KLF3: variants seen among roughly 807,000 people sequenced by gnomAD.
KLF3 encodes the protein KLF transcription factor 3.
A neutral mutation model predicts 32.7 loss-of-function variants in KLF3; 6 were observed. The observed-to-expected ratio is 0.18, with a 90% CI of 0.10 to 0.36. KLF3 has a LOEUF of 0.36. KLF3 is among the 10% of genes least tolerant of loss of function. KLF3 has a pLI of 1.00. For synonymous variants in KLF3, 145 were observed against 172.8 expected (o/e 0.84, Z 1.26); for missense variants, 338 against 449.7 (o/e 0.75, Z 2.25).
chr4:38,686,696 A>G (rs1390362445), intron 2 of KLF3, among the ~76,000 whole-genome samples: 5 of 152,162 alleles, frequency 3.3e-5, no homozygotes, highest in Non-Finnish European at 2.9e-5. Flanking sequence ...TCTCTTGTAT[A>G]AGCAGGGACA....
chr4:38,677,063 C>T lies in KLF3; in HGVS notation c.-39-3524C>T, dbSNP rs538887001. On this transcript the variant is annotated intron_variant, in intron 1 of 5. Transcript: ENST00000261438. The stretch of plus-strand genomic sequence containing the variant: ...GCAACCTCCGCCTGCTGGGTTCAAG[C>T]GATTATACTGCCTCAGCCTCCCGAA... Among the ~76,000 whole-genome samples the T allele has an allele frequency of 1.1e-4, 17 of 149,924 alleles. No homozygotes were observed. In the South Asian group the frequency reaches 3.6e-3, roughly 32 times the overall value.
intron 2 of KLF3, among the ~76,000 whole-genome samples, chr4:38,682,941 C>G (rs1347802787): frequency 1.3e-5 from 2 of 151,460 alleles, no homozygotes; most frequent in Admixed American, 1.3e-4. Context: ...TTGGTTTTAA[C>G]TTTCTTCAGC....
chr4:38,675,553 T>C (rs962230649), intron 1 of KLF3, among the ~76,000 whole-genome samples: 2 of 152,082 alleles, frequency 1.3e-5, no homozygotes, highest in African/African-American at 2.4e-5. Flanking sequence ...CAGAAAAAAA[T>C]AGAACCACAT....
rs1723065631 is a variant in KLF3, at chr4:38,697,143, A to G, written c.918A>G (p.Glu306=). 6.2e-7 allele frequency: 1 copy of G among 1,613,978 alleles called. No homozygotes were observed. Among genetic ancestry groups the G allele is most frequent in the South Asian group, 1.1e-5 (1 of 91,080 alleles). ...CATGGAAGTTTGCTCGGTCTGATGA[A>G]CTAACAAGACATTTCCGAAAACATA... ...GCTWKFARSD[E]LTRHFRKHTG... is the part of the protein sequence containing the mutation. The change falls in exon 6 of 6, where the codon GAA becomes GAG. Residue 306 remains glutamate (E), a synonymous_variant. Coordinates refer to ENST00000261438, the MANE Select transcript of KLF3 (RefSeq NM_016531.6).
chr4:38,667,952 T>C (rs1160223774), intron 1 of KLF3, among the ~76,000 whole-genome samples: 4 of 151,672 alleles, frequency 2.6e-5, no homozygotes, highest in African/African-American at 4.8e-5. Flanking sequence ...GGACAAAGAT[T>C]TAAATATCAG....
chr4:38,675,137 G>C (rs988587996), intron 1 of KLF3, among the ~76,000 whole-genome samples: 5 of 152,226 alleles, frequency 3.3e-5, no homozygotes, highest in African/African-American at 1.2e-4. Flanking sequence ...CTTGCATTTT[G>C]ACAGAAATTT....
rs754915025 is a variant in KLF3, at chr4:38,667,477, G to T, written c.-40+3016G>T. Among the ~76,000 whole-genome samples, 164 of 152,196 alleles carry T rather than the reference G, an allele frequency of 1.1e-3. 1 individual carries two copies. Among genetic ancestry groups the T allele is most frequent in the Non-Finnish European group, 2.2e-4 (15 of 68,038 alleles). On this transcript the variant is annotated intron_variant, in intron 1 of 5. Transcript: ENST00000261438. ...TGTGTTATGTCATAATGAGAAGTCAGTTAACCTTTTTACGTACACCCTTTG... is the reference window on the plus strand; with the variant it reads ...TGTGTTATGTCATAATGAGAAGTCATTTAACCTTTTTACGTACACCCTTTG...
Position 38,697,313 on chromosome 4 carries a change from C to T in KLF3, c.*50C>T. 6.8e-7 allele frequency: 1 copy of T among 1,479,294 alleles called. No homozygotes were observed. The highest frequency in any genetic ancestry group is 9.2e-7 in the Non-Finnish European group (1 of 1,087,206). 91.6% of individuals were successfully genotyped at this position (1,479,294 alleles called of 1,614,324 possible). A position where few individuals can be genotyped will look rare whatever the true frequency, so the allele number is the denominator to read the frequency against. On this transcript the variant is annotated 3_prime_UTR_variant, in exon 6 of 6. Transcript: ENST00000261438. ...TGACTCCCCACTCACCTGGCTCTCT[C>T]TCTGTCCTGCCTCCCATTATCTAAC...
chr4:38,684,469 A>G (rs574444994), intron 2 of KLF3, among the ~76,000 whole-genome samples: 1 of 151,092 alleles, frequency 6.6e-6, no homozygotes, highest in East Asian at 1.9e-4. Flanking sequence ...ATCTGAGTAC[A>G]TGTTACAGAC....
At chr4:38,670,191 C>T (rs946504222) in intron 1 of KLF3, among the ~76,000 whole-genome samples, 3 of 152,168 alleles carry the variant, frequency 2.0e-5, no homozygotes, top group African/African-American at 7.2e-5. Context: ...CCCTCTAGCC[C>T]ATGCATTTCA....
At chr4:38,665,625 T>C (rs1003573064) in intron 1 of KLF3, among the ~76,000 whole-genome samples, 3 of 152,226 alleles carry the variant, frequency 2.0e-5, no homozygotes, top group African/African-American at 7.2e-5. Context: ...ATGTTTCCAT[T>C]AATATCACCC....
intron 1 of KLF3, among the ~76,000 whole-genome samples, chr4:38,679,979 C>G (rs1042381987): frequency 5.3e-5 from 8 of 152,158 alleles, no homozygotes; most frequent in Non-Finnish European, 1.2e-4. Context: ...CAATCCCAAG[C>G]AAGCTTTGGC....
At chr4:38,686,166 T>C (rs150737977) in intron 2 of KLF3, among the ~76,000 whole-genome samples, 1 of 152,160 alleles carries the variant, frequency 6.6e-6, no homozygotes, top group African/African-American at 2.4e-5. Flanking sequence ...GAAAACTGGC[T>C]GCGCGTGGTG....
chr4:38,665,124 C>T (rs1190405014), intron 1 of KLF3, among the ~76,000 whole-genome samples: 1 of 152,076 alleles, frequency 6.6e-6, no homozygotes, highest in Non-Finnish European at 1.5e-5. Flanking sequence ...ATCCCATTCT[C>T]GGTTCTGGAG....
chr4:38,679,026 A>T (rs1038635903), intron 1 of KLF3, among the ~76,000 whole-genome samples: 10 of 152,232 alleles, frequency 6.6e-5, no homozygotes, highest in Admixed American at 6.5e-5. Context: ...CTTGATGTAG[A>T]TTAGTGTTAG....
At chr4:38,689,977 T>G in intron 4 of KLF3, 98 bp downstream of exon 4, 2 of 1,276,236 alleles carry the variant, frequency 1.6e-6, no homozygotes, top group Non-Finnish European at 2.2e-6. Flanking sequence ...GTGGTGTGGA[T>G]GACCAGGAAC....
rs1420986846 is a variant in KLF3, at chr4:38,683,147, G to T, written c.57+2465G>T. Among the ~76,000 whole-genome samples, 3 of 151,886 alleles carry T rather than the reference G, an allele frequency of 2.0e-5. No individual in the cohort carries two copies. In the South Asian group the frequency reaches 6.2e-4, roughly 32 times the overall value. On this transcript the variant is annotated intron_variant, in intron 2 of 5. Transcript: ENST00000261438. ...ATTATTCCTTTTTCTTTTTAATTCAGTCTTTGATCTGAAGGTAAAAGTCTT... is the reference window on the plus strand; with the variant it reads ...ATTATTCCTTTTTCTTTTTAATTCATTCTTTGATCTGAAGGTAAAAGTCTT...
chr4:38,669,128 CACA>C (rs1722127758), intron 1 of KLF3, among the ~76,000 whole-genome samples: 1 of 152,114 alleles, frequency 6.6e-6, no homozygotes, highest in Admixed American at 6.5e-5. Flanking sequence ...ATAAAATACA[CACA>C]ACCTCATTCT....
Position 38,698,213 on chromosome 4 carries a change from C to G in KLF3, c.*950C>G, listed in dbSNP as rs975843577. 1.3e-5 allele frequency: 2 copies of G among 152,232 alleles called. No homozygotes were observed. Among genetic ancestry groups the G allele is most frequent in the Non-Finnish European group, 2.9e-5 (2 of 68,030 alleles). 9.4% of individuals were successfully genotyped at this position (152,232 alleles called of 1,614,324 possible). On this transcript the variant is annotated 3_prime_UTR_variant, in exon 6 of 6. Coordinates refer to ENST00000261438, the MANE Select transcript of KLF3 (RefSeq NM_016531.6). ...TCATCAAACATTGATAGTAGGGACT[C>G]CATGGAATATTTGCCCAGTAATGGT...
Sources: allele counts gnomAD v4.1 joint callset (sites outside exome capture counted in the v4.1 genomes callset), GRCh38; gene constraint gnomAD v4.1.1; transcripts MANE v1.5; gene names NCBI Gene and HGNC (gene_info 2026-07-23, HGNC 2026-07-21).